ZNF423: variants seen among roughly 807,000 people sequenced by gnomAD.
The protein encoded by ZNF423 is zinc finger protein 423.
ZNF423 carries 12 observed loss-of-function variants against 95.8 expected under a neutral mutation model. That is an observed-to-expected ratio of 0.13 (90% confidence interval 0.08 to 0.20). The LOEUF is 0.20. Ranked by LOEUF, ZNF423 falls within the 10% of genes least tolerant of loss-of-function variation. The pLI is 1.00. For synonymous variants in ZNF423, 749 were observed against 711.9 expected, an observed-to-expected ratio of 1.05 and a Z score of -0.83; for missense variants, 1,316 against 1,737.1, an observed-to-expected ratio of 0.76 and a Z score of 4.31.
At chr16:49,521,351 G>T (rs935636967) in intron 7 of ZNF423, among the ~76,000 whole-genome samples, 1 of 152,212 alleles carries the variant, frequency 6.6e-6, no homozygotes, top group Admixed American at 6.5e-5. Context: ...TTGGGCTATA[G>T]AAAGCCTCCT....
intron 5 of ZNF423, among the ~76,000 whole-genome samples, chr16:49,529,018 T>A (rs1968738413): frequency 6.6e-6 from 1 of 151,776 alleles, no homozygotes; most frequent in Non-Finnish European, 1.5e-5. Flanking sequence ...GCCGACACCT[T>A]GGAGCAGAAT....
intron 5 of ZNF423, among the ~76,000 whole-genome samples, chr16:49,587,019 G>A (rs138718647): frequency 1.6e-3 from 242 of 152,280 alleles, no homozygotes; most frequent in African/African-American, 5.7e-3. Context: ...TAGCCCCTGT[G>A]AAGACTTAAC....
chr16:49,598,350 C>T (rs139721215), intron 5 of ZNF423, among the ~76,000 whole-genome samples: 13 of 152,372 alleles, frequency 8.5e-5, no homozygotes, highest in East Asian at 3.8e-4. Context: ...CAATAATGCA[C>T]GTAAGGTGCC....
chr16:49,626,491 A>G (rs1972275635), intron 4 of ZNF423, among the ~76,000 whole-genome samples: 1 of 152,094 alleles, frequency 6.6e-6, no homozygotes, highest in Non-Finnish European at 1.5e-5. Context: ...GAAAACTGCC[A>G]TCTCAAGGTG....
chr16:49,661,389 C>A (rs1379950263), intron 3 of ZNF423, among the ~76,000 whole-genome samples: 1 of 152,198 alleles, frequency 6.6e-6, no homozygotes, highest in Non-Finnish European at 1.5e-5. Flanking sequence ...TCTTCCCCAC[C>A]AGGGGGGACC....
intron 5 of ZNF423, among the ~76,000 whole-genome samples, chr16:49,560,908 A>C (rs2151768182): frequency 6.6e-6 from 1 of 152,308 alleles, no homozygotes; most frequent in South Asian, 2.1e-4. Flanking sequence ...GAACTTAATG[A>C]AAATAAAGTC....
Position 49,636,926 on chromosome 16 carries a change from C to T in ZNF423, c.2250G>A (p.Lys750=). ...GGTACATCTTCTTCTCATTGCTGTG[C>T]TTCACCGCCAGGTGCACCTGGATGG... The part of the protein sequence containing the change: ...KVSIQVHLAV[K]HSNEKKMYRC... The change falls in exon 4 of 8, where the codon AAG becomes AAA. Residue 750 remains lysine (K), a synonymous_variant. Coordinates refer to ENST00000563137, the MANE Select transcript of ZNF423 (RefSeq NM_001379286.1). This position sits in a 1 kb window ranked among gnomAD's most constrained non-coding sequence, Gnocchi z 8.6. 4.3e-6 allele frequency: 7 copies of T among 1,613,772 alleles called. 1 individual carries two copies. In the South Asian group the frequency reaches 5.5e-5, roughly 13 times the overall value.
intron 3 of ZNF423, among the ~76,000 whole-genome samples, chr16:49,652,822 T>C (rs1477847924): frequency 6.6e-6 from 1 of 152,220 alleles, no homozygotes; most frequent in Non-Finnish European, 1.5e-5. Flanking sequence ...ACATCCCTTT[T>C]ATCACAGACT....
chr16:49,567,016 C>T (rs1460206934), intron 5 of ZNF423, among the ~76,000 whole-genome samples: 1 of 152,178 alleles, frequency 6.6e-6, no homozygotes, highest in Non-Finnish European at 1.5e-5. Context: ...CACTGGGACT[C>T]TCATTGGGAC....
intron 3 of ZNF423, among the ~76,000 whole-genome samples, chr16:49,648,778 G>A (rs150147916): frequency 2.9e-4 from 44 of 152,284 alleles, no homozygotes; most frequent in African/African-American, 1.0e-3. Context: ...AAATGCCAGA[G>A]TATTGAGTAT....
intron 5 of ZNF423, among the ~76,000 whole-genome samples, chr16:49,561,200 C>G (rs368411902): frequency 6.6e-6 from 1 of 152,088 alleles, no homozygotes; most frequent in African/African-American, 2.4e-5. Flanking sequence ...CCAGATTCAG[C>G]GAAATGATAT....
chr16:49,713,807 C>A (rs888709189), intron 3 of ZNF423, among the ~76,000 whole-genome samples: 3 of 152,310 alleles, frequency 2.0e-5, no homozygotes, highest in African/African-American at 7.2e-5. Context: ...ATCCGTGAGA[C>A]TGGAGAGACA....
At chr16:49,691,458 C>T (rs11076495) in intron 3 of ZNF423, among the ~76,000 whole-genome samples, 92,569 of 152,152 alleles carry the variant, frequency 0.61, 29,843 homozygotes, top group Non-Finnish European at 0.71. Flanking sequence ...CTCGGCCGGG[C>T]GCAGTGGCTC....
At chr16:49,728,873 C>A (rs1196130059) in intron 3 of ZNF423, among the ~76,000 whole-genome samples, 1 of 152,238 alleles carries the variant, frequency 6.6e-6, no homozygotes, top group Non-Finnish European at 1.5e-5. Flanking sequence ...GCTGGGACTA[C>A]AGGCATGTGC....
intron 1 of ZNF423, among the ~76,000 whole-genome samples, chr16:49,846,676 A>G (rs1476567488): frequency 6.6e-6 from 1 of 151,350 alleles, no homozygotes; most frequent in Non-Finnish European, 1.5e-5. Flanking sequence ...TCCTCTTTCC[A>G]TCTCCCCACT....
intron 4 of ZNF423, among the ~76,000 whole-genome samples, chr16:49,630,525 G>T (rs891407679): frequency 2.6e-5 from 4 of 152,156 alleles, no homozygotes; most frequent in African/African-American, 9.7e-5. Context: ...ATAGGTGGGT[G>T]GGTGGGAGGA....
intron 3 of ZNF423, among the ~76,000 whole-genome samples, chr16:49,676,664 G>A (rs992727029): frequency 1.3e-5 from 2 of 152,102 alleles, no homozygotes; most frequent in African/African-American, 4.8e-5. Flanking sequence ...TCAACCACTT[G>A]ACACCCTAGA....
At chr16:49,513,457 C>A (rs1291311158) in intron 7 of ZNF423, among the ~76,000 whole-genome samples, 2 of 152,182 alleles carry the variant, frequency 1.3e-5, no homozygotes, top group Non-Finnish European at 2.9e-5. Context: ...GATCCAACAG[C>A]AGCAGTACAA....
chr16:49,505,862 C>T (rs1162568964), intron 7 of ZNF423, among the ~76,000 whole-genome samples: 1 of 152,164 alleles, frequency 6.6e-6, no homozygotes, highest in Non-Finnish European at 1.5e-5. Flanking sequence ...TCATACATAC[C>T]CAGCCTCCAA....
Sources: gnomAD v4.1 joint callset for allele counts (sites outside exome capture counted in the v4.1 genomes callset) on GRCh38, gnomAD v4.1.1 for gene constraint, Gnocchi (gnomAD v3.1) non-coding constraint, MANE v1.5 for transcripts, NCBI Gene and HGNC (gene_info 2026-07-23, HGNC 2026-07-21) for gene names.